Variants in NBAS observed in about 807,000 individuals in gnomAD.
The protein encoded by NBAS is NBAS subunit of NRZ tethering complex.
In NBAS, 219 loss-of-function variants were observed where a neutral mutation model predicts 302.5. That is an observed-to-expected ratio of 0.72 (90% CI 0.65 to 0.81). The LOEUF is 0.81. NBAS is among the 30% of genes least tolerant of loss of function. The pLI is 0.00. For missense variants in NBAS, 2,932 were observed against 2,841.6 expected, an observed-to-expected ratio of 1.03 and a Z score of -0.72; for synonymous variants, 1,118 against 1,021.6, an observed-to-expected ratio of 1.09 and a Z score of -1.80.
the NBAS span, among the ~76,000 whole-genome samples, chr2:15,018,209 A>C: frequency 6.6e-6 from 1 of 151,974 alleles, no homozygotes; most frequent in Non-Finnish European, 1.5e-5. Context: ...AAGGAGAAAT[A>C]AGTTCTAGTG....
At chr2:15,371,693 A>G (rs545786557) in intron 31 of NBAS, among the ~76,000 whole-genome samples, 1 of 152,268 alleles carries the variant, frequency 6.6e-6, no homozygotes, top group East Asian at 1.9e-4. Flanking sequence ...AAAGTCATAG[A>G]ATGTGCCTTG....
chr2:14,980,394 A>G, the NBAS span, among the ~76,000 whole-genome samples: 6 of 152,184 alleles, frequency 3.9e-5, no homozygotes, highest in African/African-American at 1.2e-4. Flanking sequence ...TAGAAATAAT[A>G]AGAGACAGCC....
At chr2:15,050,099 C>T in the NBAS span, among the ~76,000 whole-genome samples, 30 of 152,292 alleles carry the variant, frequency 2.0e-4, no homozygotes, top group Admixed American at 1.6e-3. Flanking sequence ...TGTGAGTTAA[C>T]CAGAAATCTA....
At chr2:14,911,594 A>G in the NBAS span, among the ~76,000 whole-genome samples, 1 of 152,216 alleles carries the variant, frequency 6.6e-6, no homozygotes, top group South Asian at 2.1e-4. Flanking sequence ...TCTCCGAGAC[A>G]TGGTTTCTTC....
At chr2:15,037,263 C>T in the NBAS span, among the ~76,000 whole-genome samples, 1 of 152,130 alleles carries the variant, frequency 6.6e-6, no homozygotes, top group Admixed American at 6.5e-5. Flanking sequence ...GAATGCAAGG[C>T]CAAAGTGGGG....
the NBAS span, among the ~76,000 whole-genome samples, chr2:14,786,149 T>C: frequency 6.6e-6 from 1 of 152,226 alleles, no homozygotes; most frequent in Non-Finnish European, 1.5e-5. Flanking sequence ...TTTGTATTTC[T>C]GTGGGATTGG....
chr2:15,344,963 C>T (rs1458365048), intron 35 of NBAS, among the ~76,000 whole-genome samples: 2 of 152,082 alleles, frequency 1.3e-5, no homozygotes, highest in African/African-American at 4.8e-5. Context: ...ATTCAACATC[C>T]CTTCATGTTA....
At chr2:14,931,230 T>C in the NBAS span, among the ~76,000 whole-genome samples, 5 of 152,120 alleles carry the variant, frequency 3.3e-5, no homozygotes, top group Admixed American at 1.3e-4. Context: ...GAGGGAGCCA[T>C]GGGAATGAAC....
At chr2:14,849,385 G>T in the NBAS span, among the ~76,000 whole-genome samples, 2 of 150,434 alleles carry the variant, frequency 1.3e-5, no homozygotes, top group African/African-American at 4.9e-5. Flanking sequence ...AGAGAAAAAA[G>T]AATAAAAAGA....
At chr2:15,503,879 T>C (rs896687121) in intron 11 of NBAS, among the ~76,000 whole-genome samples, 3 of 152,264 alleles carry the variant, frequency 2.0e-5, no homozygotes, top group African/African-American at 7.2e-5. Context: ...GGAGAATTCC[T>C]TGAGCTATAT....
At chr2:14,781,879 C>T in the NBAS span, among the ~76,000 whole-genome samples, 1 of 152,018 alleles carries the variant, frequency 6.6e-6, no homozygotes, top group Admixed American at 6.6e-5. Flanking sequence ...CCCTAAACAA[C>T]ACCCATTCTC....
intron 38 of NBAS, among the ~76,000 whole-genome samples, chr2:15,314,083 G>A (rs1671397966): frequency 6.6e-6 from 1 of 151,770 alleles, no homozygotes; most frequent in South Asian, 2.1e-4. Context: ...GCCGGGCATG[G>A]TGGCTCATGC....
intron 44 of NBAS, among the ~76,000 whole-genome samples, chr2:15,244,668 A>G (rs1349375502): frequency 2.0e-5 from 3 of 152,140 alleles, no homozygotes; most frequent in Non-Finnish European, 2.9e-5. Context: ...AGTCTGGATC[A>G]CAGCTGGACC....
chr2:15,169,413 C>T (rs1328269472), intron 51 of NBAS, among the ~76,000 whole-genome samples: 4 of 152,164 alleles, frequency 2.6e-5, no homozygotes, highest in Admixed American at 2.6e-4. Flanking sequence ...TCTTTCCATC[C>T]CACTTCTCTC....
intron 47 of NBAS, among the ~76,000 whole-genome samples, chr2:15,219,881 TCACTTCC>T: frequency 6.9e-6 from 1 of 144,472 alleles, no homozygotes; most frequent in African/African-American, 2.6e-5. Flanking sequence ...GAGGGGCTCC[TCACTTCC>T]CAGTAGGGGC....
the NBAS span, among the ~76,000 whole-genome samples, chr2:15,061,294 G>T: frequency 6.6e-6 from 1 of 152,208 alleles, no homozygotes; most frequent in South Asian, 2.1e-4. Context: ...AGGCTCTGGA[G>T]TTCAACCTGC....
chr2:15,438,837 G>A (rs912677657), intron 21 of NBAS, among the ~76,000 whole-genome samples: 12 of 152,264 alleles, frequency 7.9e-5, no homozygotes, highest in African/African-American at 2.9e-4. Context: ...GTGTGTACCT[G>A]TGATGAAATC....
At position 15,442,673 on chromosome 2, in the gene NBAS, A is replaced by G. The variant is rs867715429; in HGVS notation, c.2340-14879T>C. 9.5e-3 allele frequency among the ~76,000 whole-genome samples: 1,452 copies of G among 152,106 alleles called. 17 individuals carry two copies. The highest frequency in any genetic ancestry group is 0.03 in the African/African-American group (1,249 of 41,472). On this transcript the variant is annotated intron_variant, in intron 21 of 51. Transcript: ENST00000281513. ...AAATCAGAGCAGAACTGAAGGAAAT[A>G]GAGACACAAAAAACCCTTCAAAAAA...
At chr2:14,818,729 C>A in the NBAS span, among the ~76,000 whole-genome samples, 3 of 152,172 alleles carry the variant, frequency 2.0e-5, no homozygotes, top group African/African-American at 7.2e-5. Flanking sequence ...TACAAAGCAG[C>A]TAACGGAGAA....
Sources: gnomAD v4.1 joint callset for allele counts (sites outside exome capture counted in the v4.1 genomes callset) on GRCh38, gnomAD v4.1.1 for gene constraint, MANE v1.5 for transcripts, NCBI Gene and HGNC (gene_info 2026-07-23, HGNC 2026-07-21) for gene names.